TRAPPC9: variants seen among roughly 807,000 people sequenced by gnomAD.
TRAPPC9 encodes trafficking protein particle complex subunit 9, also known as IKK2 binding protein.
Under a neutral mutation model 124.0 loss-of-function variants are expected in TRAPPC9, and 83 were observed. The observed-to-expected ratio is 0.67, with a 90% confidence interval of 0.56 to 0.80. The LOEUF (loss-of-function observed/expected upper bound fraction) is 0.80. TRAPPC9 is among the 30% of genes least tolerant of loss of function. TRAPPC9 has a pLI of 0.00. For missense variants in TRAPPC9, 1,302 were observed against 1,508.3 expected, an observed-to-expected ratio of 0.86 and a Z score of 2.27; for synonymous variants, 638 against 617.5, an observed-to-expected ratio of 1.03 and a Z score of -0.49.
chr8:140,341,825 G>A (rs1018959680), intron 9 of TRAPPC9, among the ~76,000 whole-genome samples: 4 of 152,218 alleles, frequency 2.6e-5, no homozygotes, highest in South Asian at 2.1e-4. Context: ...CTCACAGTAC[G>A]TGTGTGTAGA....
intron 21 of TRAPPC9, among the ~76,000 whole-genome samples, chr8:139,854,130 C>A (rs1827659559): frequency 6.6e-6 from 1 of 152,324 alleles, no homozygotes; most frequent in South Asian, 2.1e-4. Context: ...AAACTCATCA[C>A]TCTCTATCTG....
Position 140,110,069 on chromosome 8 carries a change from G to A in TRAPPC9, c.2557-85990C>T, listed in dbSNP as rs79941452. On this transcript the variant is annotated intron_variant, in intron 17 of 22. Transcript: ENST00000438773. ...GAGCTTCTGGCCAGGCTCAGCCCAC[G>A]GGAGGCCCCAGATGAGACAGTGGAG... is the stretch of plus-strand genomic sequence containing the variant. 3.3e-5 allele frequency among the ~76,000 whole-genome samples: 5 copies of A among 152,018 alleles called. No homozygotes were observed. The South Asian group carries it at 6.2e-4, about 19-fold the overall frequency.
intron 17 of TRAPPC9, among the ~76,000 whole-genome samples, chr8:140,201,362 C>G (rs2062785576): frequency 6.6e-6 from 1 of 152,190 alleles, no homozygotes; most frequent in Non-Finnish European, 1.5e-5. Flanking sequence ...CCTATATTTC[C>G]CAAACACTGT....
At chr8:139,904,277 T>A (rs1204581891) in intron 20 of TRAPPC9, among the ~76,000 whole-genome samples, 1 of 152,194 alleles carries the variant, frequency 6.6e-6, no homozygotes, top group African/African-American at 2.4e-5. Flanking sequence ...AATTAAAGAC[T>A]GTAACTAACA....
intron 17 of TRAPPC9, among the ~76,000 whole-genome samples, chr8:140,148,594 A>G (rs2061495498): frequency 6.6e-6 from 1 of 152,162 alleles, no homozygotes; most frequent in Admixed American, 6.5e-5. Context: ...AACATCCCAC[A>G]GTCCCAACAC....
intron 21 of TRAPPC9, among the ~76,000 whole-genome samples, chr8:139,837,468 T>C (rs571769850): frequency 9.8e-5 from 15 of 152,336 alleles, no homozygotes; most frequent in African/African-American, 1.4e-4. Flanking sequence ...TGAGGGGTAC[T>C]TCTTGCCATG....
chr8:140,054,131 C>T (rs1378817448), intron 17 of TRAPPC9, among the ~76,000 whole-genome samples: 1 of 152,238 alleles, frequency 6.6e-6, no homozygotes, highest in South Asian at 2.1e-4. Context: ...TGGCTACACA[C>T]AGACATAAAG....
At chr8:140,124,365 C>T (rs4587305) in intron 17 of TRAPPC9, among the ~76,000 whole-genome samples, 15,386 of 152,178 alleles carry the variant, frequency 0.1, 2,159 homozygotes, top group African/African-American at 0.31. Context: ...CAGCCCCTAC[C>T]CCTCTCTCTG....
At chr8:140,045,608 C>A (rs1841531945) in intron 17 of TRAPPC9, among the ~76,000 whole-genome samples, 1 of 113,138 alleles carries the variant, frequency 8.8e-6, no homozygotes, top group Non-Finnish European at 1.6e-5. Context: ...GCCTGGGAGA[C>A]AGAGCAAGAC....
chr8:139,911,844 T>C (rs1488605268), intron 19 of TRAPPC9, among the ~76,000 whole-genome samples: 2 of 151,980 alleles, frequency 1.3e-5, no homozygotes, highest in African/African-American at 4.8e-5. Flanking sequence ...GACCTGCTGT[T>C]AAGGGGATAT....
chr8:140,376,432 T>C (rs1439758601), intron 7 of TRAPPC9, among the ~76,000 whole-genome samples: 1 of 151,592 alleles, frequency 6.6e-6, no homozygotes, highest in African/African-American at 2.4e-5. Context: ...GGCAGGCACC[T>C]GTAGTCCCAG....
chr8:139,954,171 G>A (rs1009684304), intron 19 of TRAPPC9, among the ~76,000 whole-genome samples: 5 of 152,188 alleles, frequency 3.3e-5, no homozygotes, highest in Admixed American at 1.3e-4. Context: ...GCACAGGGAA[G>A]CTTTTGGGGG....
At chr8:139,749,127 G>A (rs1219957303) in intron 21 of TRAPPC9, among the ~76,000 whole-genome samples, 1 of 152,108 alleles carries the variant, frequency 6.6e-6, no homozygotes, top group South Asian at 2.1e-4. Context: ...AGTGCCCTGC[G>A]ACTTCCCCTG....
chr8:140,266,815 G>A (rs189157841), intron 15 of TRAPPC9, among the ~76,000 whole-genome samples: 15,829 of 151,844 alleles, frequency 0.1, 1,047 homozygotes, highest in Admixed American at 0.17. Flanking sequence ...AGCCGAGATC[G>A]CGCCACTGCA....
intron 13 of TRAPPC9, among the ~76,000 whole-genome samples, chr8:140,284,297 A>G (rs2065422443): frequency 6.6e-6 from 1 of 152,240 alleles, no homozygotes; most frequent in Non-Finnish European, 1.5e-5. Context: ...CTTGTAAACT[A>G]TAAATATCTA....
chr8:140,297,349 G>GAC (rs1554663384), intron 11 of TRAPPC9, among the ~76,000 whole-genome samples: 1 of 151,544 alleles, frequency 6.6e-6, no homozygotes, highest in Non-Finnish European at 1.5e-5. Context: ...CACATGCATA[G>GAC]ACACACACAC....
chr8:140,445,192 G>A (rs117124154), intron 2 of TRAPPC9, among the ~76,000 whole-genome samples: 353 of 152,264 alleles, frequency 2.3e-3, no homozygotes, highest in Non-Finnish European at 4.4e-3. Flanking sequence ...TACTCTGTTC[G>A]AGTCACACTC....
At chr8:140,355,253 T>A (rs1360482241) in intron 9 of TRAPPC9, among the ~76,000 whole-genome samples, 2 of 152,224 alleles carry the variant, frequency 1.3e-5, no homozygotes, top group Non-Finnish European at 2.9e-5. Flanking sequence ...TTATATCTAA[T>A]GGAAACACAG....
chr8:140,335,705 A>ATTTTTTT (rs10622473), intron 9 of TRAPPC9, among the ~76,000 whole-genome samples: 1 of 131,692 alleles, frequency 7.6e-6, no homozygotes, highest in Non-Finnish European at 1.6e-5. Context: ...AGTCTTCACA[A>ATTTTTTT]TTTTTTTTTT....
Sources: gnomAD v4.1 joint callset for allele counts (sites outside exome capture counted in the v4.1 genomes callset) on GRCh38, gnomAD v4.1.1 for gene constraint, MANE v1.5 for transcripts, NCBI Gene and HGNC (gene_info 2026-07-23, HGNC 2026-07-21) for gene names.